The following SKAP1 variants were observed in gnomAD, a reference collection of about 807,000 sequenced individuals.
SKAP1 encodes the protein src kinase associated phosphoprotein 1, also known as src kinase-associated phosphoprotein 1.
SKAP1 carries 44 observed loss-of-function variants against 58.5 expected under a neutral mutation model. That is an observed-to-expected ratio of 0.75 (90% CI 0.59 to 0.97). The LOEUF (loss-of-function observed/expected upper bound fraction) is 0.97. SKAP1 is among the 50% of genes least tolerant of loss of function. The probability of loss-of-function intolerance (pLI) is 0.00; values close to 1 mark genes in which losing one functional copy is unlikely to be tolerated. For synonymous variants in SKAP1, 127 were observed against 149.7 expected (o/e 0.85, Z 1.11); for missense variants, 390 against 435.2 (o/e 0.90, Z 0.92).
In SKAP1 at chr17:48,367,886, G is replaced by C. The variant is rs1363226699; in HGVS notation, c.153-4072C>G. ...GCTGTGATCACGCCACTGGACTCCAGCTTGGGTAACAGAACGAGATCCTGT... is the reference window on the plus strand; with the variant it reads ...GCTGTGATCACGCCACTGGACTCCACCTTGGGTAACAGAACGAGATCCTGT... On this transcript the variant is annotated intron_variant, in intron 2 of 12. Coordinates refer to ENST00000336915, the MANE Select transcript of SKAP1 (RefSeq NM_003726.4). Among the ~76,000 whole-genome samples the C allele has an allele frequency of 3.3e-5, 5 of 149,334 alleles. No individual in the cohort carries two copies. The South Asian group carries it at 8.4e-4, about 25-fold the overall frequency.
chr17:48,417,217 G>A (rs2067742591), intron 1 of SKAP1, among the ~76,000 whole-genome samples: 1 of 152,172 alleles, frequency 6.6e-6, no homozygotes, highest in Admixed American at 6.5e-5. Context: ...CCTGCTAACT[G>A]TGTTTGCCCC....
intron 4 of SKAP1, among the ~76,000 whole-genome samples, chr17:48,230,764 A>G (rs2065117617): frequency 6.6e-6 from 1 of 152,120 alleles, no homozygotes; most frequent in African/African-American, 2.4e-5. Flanking sequence ...CTCAAAAAAA[A>G]TTGTTTTATG....
chr17:48,422,812 C>T (rs533923303), intron 1 of SKAP1, among the ~76,000 whole-genome samples: 35 of 151,934 alleles, frequency 2.3e-4, no homozygotes, highest in East Asian at 1.4e-3. Context: ...ACTTTATAGA[C>T]GTAATGAAAA....
At chr17:48,409,502 C>G (rs527502942) in intron 1 of SKAP1, among the ~76,000 whole-genome samples, 35 of 151,678 alleles carry the variant, frequency 2.3e-4, no homozygotes, top group Admixed American at 3.3e-4. Flanking sequence ...CTGTCTCTAC[C>G]AAAAATACAA....
intron 4 of SKAP1, chr17:48,344,194 T>C (rs1326839941): frequency 5.2e-6 from 2 of 387,092 alleles, no homozygotes; most frequent in East Asian, 3.2e-4. Context: ...AAAAAAATTA[T>C]TCTTAGATAA....
At chr17:48,444,279 A>G in the SKAP1 span, among the ~76,000 whole-genome samples, 3 of 152,258 alleles carry the variant, frequency 2.0e-5, no homozygotes, top group African/African-American at 7.2e-5. Flanking sequence ...CTGTAATCCC[A>G]GTAACAGGGG....
intron 3 of SKAP1, among the ~76,000 whole-genome samples, chr17:48,362,957 C>T (rs1000662601): frequency 1.3e-5 from 2 of 152,066 alleles, no homozygotes; most frequent in African/African-American, 4.8e-5. Context: ...CTGTGATTAT[C>T]TGAGAAAATA....
chr17:48,349,768 T>C (rs1443216443), intron 3 of SKAP1, among the ~76,000 whole-genome samples: 1 of 152,182 alleles, frequency 6.6e-6, no homozygotes, highest in Non-Finnish European at 1.5e-5. Flanking sequence ...GAGTGATAAG[T>C]TGTGAATTTC....
intron 4 of SKAP1, among the ~76,000 whole-genome samples, chr17:48,277,542 C>T (rs932880595): frequency 1.3e-5 from 2 of 152,056 alleles, no homozygotes; most frequent in African/African-American, 4.8e-5. Context: ...CTTTTCAATT[C>T]CCACTTTTTG....
At chr17:48,170,156 A>C (rs1191599603) in intron 10 of SKAP1, among the ~76,000 whole-genome samples, 1 of 152,232 alleles carries the variant, frequency 6.6e-6, no homozygotes, top group African/African-American at 2.4e-5. Flanking sequence ...AGCATCACCA[A>C]GGAATTTTAT....
intron 4 of SKAP1, among the ~76,000 whole-genome samples, chr17:48,231,657 C>A (rs1181411181): frequency 6.6e-6 from 1 of 152,074 alleles, no homozygotes; most frequent in Non-Finnish European, 1.5e-5. Flanking sequence ...GACCCACAAG[C>A]TGAAGCTAAT....
chr17:48,234,137 C>T (rs1474903958), intron 4 of SKAP1, among the ~76,000 whole-genome samples: 3 of 152,164 alleles, frequency 2.0e-5, no homozygotes, highest in Non-Finnish European at 4.4e-5. Context: ...GGTTATTTAA[C>T]ATTTTATATT....
At chr17:48,326,136 CA>C (rs1354823648) in intron 4 of SKAP1, among the ~76,000 whole-genome samples, 1 of 152,032 alleles carries the variant, frequency 6.6e-6, no homozygotes, top group Non-Finnish European at 1.5e-5. Flanking sequence ...GTAATCCTTC[CA>C]GGGGTGTAAA....
chr17:48,201,738 T>A (rs1182758084), intron 4 of SKAP1, among the ~76,000 whole-genome samples: 1 of 152,208 alleles, frequency 6.6e-6, no homozygotes, highest in East Asian at 1.9e-4. Flanking sequence ...ACAGCCTGAT[T>A]GGCACACCAA....
intron 4 of SKAP1, among the ~76,000 whole-genome samples, chr17:48,286,433 C>T (rs755574654): frequency 2.0e-5 from 3 of 152,130 alleles, no homozygotes; most frequent in Non-Finnish European, 4.4e-5. Flanking sequence ...TATGTAATTC[C>T]TCAAACTTAA....
chr17:48,380,334 C>G (rs969496583), intron 2 of SKAP1: 2 of 152,160 alleles, frequency 1.3e-5, no homozygotes, highest in Non-Finnish European at 2.9e-5. Context: ...GCTAATCAGG[C>G]TGAAATGTTG....
chr17:48,376,134 A>G (rs1167078280), intron 2 of SKAP1, among the ~76,000 whole-genome samples: 1 of 151,900 alleles, frequency 6.6e-6, no homozygotes, highest in East Asian at 1.9e-4. Context: ...TAAAAACCTA[A>G]TTTTGTTTTA....
intron 4 of SKAP1, among the ~76,000 whole-genome samples, chr17:48,202,079 A>G (rs905999838): frequency 2.6e-5 from 4 of 152,132 alleles, no homozygotes; most frequent in Non-Finnish European, 5.9e-5. Context: ...AGTGTGACAG[A>G]CTCCTGACAT....
chr17:48,225,578 C>T lies in SKAP1; in HGVS notation c.281-36078G>A, dbSNP rs555811314. On this transcript the variant is annotated intron_variant, in intron 4 of 12. Transcript: ENST00000336915. ...TGTACCACATGGATTATGCGGAGGG[C>T]CCATGACCTAAGTAATGAAGGTTGC... Among the ~76,000 whole-genome samples the T allele has an allele frequency of 2.0e-5, 3 of 152,222 alleles. No homozygotes were observed. The East Asian group carries it at 5.8e-4, about 29-fold the overall frequency.
Sources: allele counts gnomAD v4.1 joint callset (sites outside exome capture counted in the v4.1 genomes callset), GRCh38; gene constraint gnomAD v4.1.1; transcripts MANE v1.5; gene names NCBI Gene and HGNC (gene_info 2026-07-23, HGNC 2026-07-21).